Variants in ESCO1 observed in about 807,000 individuals in gnomAD.
ESCO1 encodes the protein establishment of sister chromatid cohesion N-acetyltransferase 1.
ESCO1 carries 33 observed loss-of-function variants against 83.5 expected under a neutral mutation model. That is an observed-to-expected ratio of 0.40 (90% CI 0.30 to 0.53). ESCO1 has a LOEUF of 0.53. Ranked by LOEUF, ESCO1 falls within the 20% of genes least tolerant of loss-of-function variation. The pLI is 0.63. For synonymous variants in ESCO1, 332 were observed against 324.3 expected (o/e 1.02, Z -0.25); for missense variants, 855 against 968.0 (o/e 0.88, Z 1.55).
chr18:21,578,371 C>T (rs914231717), intron 2 of ESCO1, among the ~76,000 whole-genome samples: 14 of 151,682 alleles, frequency 9.2e-5, no homozygotes, highest in African/African-American at 3.4e-4. Context: ...AGGAGCTCTC[C>T]TATAAAGTAG....
intron 10 of ESCO1, 35 bp from the exon 11 acceptor site, chr18:21,532,695 G>T: frequency 1.3e-6 from 2 of 1,595,630 alleles, no homozygotes; most frequent in Non-Finnish European, 8.6e-7. Flanking sequence ...AAATTTAAGT[G>T]AGATTATTAA....
chr18:21,591,547 T>C (rs988727064), intron 1 of ESCO1, among the ~76,000 whole-genome samples: 1 of 152,192 alleles, frequency 6.6e-6, no homozygotes, highest in East Asian at 1.9e-4. Flanking sequence ...TATCAAACTT[T>C]CTTTCTTCAT....
intron 1 of ESCO1, among the ~76,000 whole-genome samples, chr18:21,594,925 C>CTGTGTG (rs35336026): frequency 0.073 from 10,550 of 143,680 alleles, 476 homozygotes; most frequent in African/African-American, 0.12. Context: ...TCTACAACTA[C>CTGTGTG]TGTGTGTGTG....
chr18:21,587,562 T>C (rs1191497776), intron 1 of ESCO1, among the ~76,000 whole-genome samples: 2 of 152,224 alleles, frequency 1.3e-5, no homozygotes, highest in Non-Finnish European at 2.9e-5. Context: ...TTTAGTAATA[T>C]CTCTCATTCC....
At position 21,574,905 on chromosome 18, in the gene ESCO1, G is replaced by A. The variant is rs895813628; in HGVS notation, c.-62C>T. ...AGAGGATTTTTGTGTCCTGGTAGGC[G>A]TGAATGCTGACTAGCTAGTATTATT... On this transcript the variant is annotated 5_prime_UTR_variant, in exon 4 of 12. In the 5' UTR this introduces an upstream ATG that the reference lacks. Coordinates refer to ENST00000269214, the MANE Select transcript of ESCO1 (RefSeq NM_052911.3). 1.1e-5 allele frequency: 14 copies of A among 1,292,022 alleles called. No individual in the cohort carries two copies. In the East Asian group the frequency reaches 2.1e-4, roughly 20 times the overall value. 80.0% of individuals were successfully genotyped at this position (1,292,022 alleles called of 1,614,324 possible).
intron 1 of ESCO1, among the ~76,000 whole-genome samples, chr18:21,585,487 A>C (rs1415509489): frequency 1.3e-5 from 2 of 152,082 alleles, no homozygotes; most frequent in Non-Finnish European, 2.9e-5. Context: ...CATTGCCGTA[A>C]ATGTATGGTT....
At chr18:21,549,419 T>G (rs2146185617) in intron 8 of ESCO1, among the ~76,000 whole-genome samples, 1 of 152,098 alleles carries the variant, frequency 6.6e-6, no homozygotes, top group African/African-American at 2.4e-5. Flanking sequence ...CCAGACTTCC[T>G]TGTTTTTTTT....
At chr18:21,567,811 G>C (rs1029533398) in intron 5 of ESCO1, among the ~76,000 whole-genome samples, 169 bp downstream of exon 5, 1 of 152,100 alleles carries the variant, frequency 6.6e-6, no homozygotes, top group South Asian at 2.1e-4. Flanking sequence ...CCAATCAACA[G>C]AAGTAATTCT....
intron 2 of ESCO1, among the ~76,000 whole-genome samples, chr18:21,583,597 T>G (rs934691985): frequency 6.6e-6 from 1 of 151,138 alleles, no homozygotes; most frequent in African/African-American, 2.4e-5. Flanking sequence ...TGAGCCGAGA[T>G]CATGCCACTG....
In ESCO1 at chr18:21,539,883, A is replaced by T; in HGVS notation, c.2043+37T>A. 5.8e-6 allele frequency: 9 copies of T among 1,541,380 alleles called. No homozygotes were observed. In the South Asian group the frequency reaches 8.1e-5, roughly 14 times the overall value. ...AAAAAAAAATTAACTGCAAAATGAT[A>T]TTATCCACTCTACATGAAGTTTCAC... is the stretch of plus-strand genomic sequence containing the variant. On this transcript the variant is annotated intron_variant, in intron 9 of 11. Coordinates refer to ENST00000269214, the MANE Select transcript of ESCO1 (RefSeq NM_052911.3).
chr18:21,590,746 G>A (rs533439976), intron 1 of ESCO1, among the ~76,000 whole-genome samples: 105 of 151,834 alleles, frequency 6.9e-4, no homozygotes, highest in East Asian at 2.5e-3. Context: ...TCAACAGATC[G>A]AGACCATCCT....
intron 2 of ESCO1, 82 bp downstream of exon 2, chr18:21,584,228 T>C (rs989058638): frequency 7.9e-5 from 12 of 152,124 alleles, no homozygotes; most frequent in Non-Finnish European, 1.6e-4. Flanking sequence ...TAAGTTAAAA[T>C]TCTCTGAAAA....
intron 4 of ESCO1, among the ~76,000 whole-genome samples, chr18:21,572,625 G>C (rs961000400): frequency 2.6e-5 from 4 of 152,036 alleles, no homozygotes; most frequent in African/African-American, 9.7e-5. Flanking sequence ...TAGGAAAAAA[G>C]GCTGATTAGT....
chr18:21,583,383 C>T (rs1186482936), intron 2 of ESCO1, among the ~76,000 whole-genome samples: 1 of 151,988 alleles, frequency 6.6e-6, no homozygotes, highest in Admixed American at 6.6e-5. Context: ...GTGGCTCACA[C>T]CTGTAATCCC....
intron 10 of ESCO1, among the ~76,000 whole-genome samples, chr18:21,533,664 T>A (rs2037796255): frequency 6.6e-6 from 1 of 152,136 alleles, no homozygotes; most frequent in Non-Finnish European, 1.5e-5. Flanking sequence ...ATCCTTCTAG[T>A]CTAAACACCG....
chr18:21,565,408 G>A (rs2038245669), intron 6 of ESCO1, among the ~76,000 whole-genome samples: 2 of 152,130 alleles, frequency 1.3e-5, no homozygotes, highest in African/African-American at 2.4e-5. Flanking sequence ...AGGGAAAAGG[G>A]CATTCTCAAA....
intron 2 of ESCO1, among the ~76,000 whole-genome samples, chr18:21,583,076 G>A (rs1323319616): frequency 6.6e-6 from 1 of 152,070 alleles, no homozygotes; most frequent in Non-Finnish European, 1.5e-5. Context: ...CAGCTACTCA[G>A]GAGGCTGAGG....
chr18:21,539,140 T>A (rs1039891037), intron 9 of ESCO1, among the ~76,000 whole-genome samples: 5 of 152,076 alleles, frequency 3.3e-5, no homozygotes, highest in African/African-American at 1.2e-4. Flanking sequence ...CTTAAAAATA[T>A]TATAAGATTA....
At chr18:21,579,792 GCGCACACA>G (rs553826198) in intron 2 of ESCO1, among the ~76,000 whole-genome samples, 28,727 of 134,916 alleles carry the variant, frequency 0.21, 3,664 homozygotes, top group East Asian at 0.32. Flanking sequence ...ACACGCGCGC[GCGCACACA>G]CACACACACA....
Sources: gnomAD v4.1 joint callset for allele counts (sites outside exome capture counted in the v4.1 genomes callset) on GRCh38, gnomAD v4.1.1 for gene constraint, MANE v1.5 for transcripts, NCBI Gene and HGNC (gene_info 2026-07-23, HGNC 2026-07-21) for gene names.